The following WWOX variants were observed in gnomAD, a reference collection of about 807,000 sequenced individuals.
WWOX encodes the protein WW domain containing oxidoreductase.
WWOX carries 69 observed loss-of-function variants against 46.2 expected under a neutral mutation model. The ratio of observed to expected loss-of-function variants is 1.49; its 90% confidence interval spans 1.23 to 1.82. The LOEUF (loss-of-function observed/expected upper bound fraction) is 1.82. Among genes scored for constraint, WWOX ranks in the 40% most tolerant of loss-of-function variants. WWOX has a pLI of 0.00. For synonymous variants in WWOX, 359 were observed against 202.6 expected (o/e 1.77, Z -6.56); for missense variants, 919 against 542.6 (o/e 1.69, Z -6.89).
chr16:79,207,759 A>G (rs1318880687), intron 8 of WWOX, among the ~76,000 whole-genome samples: 2 of 151,292 alleles, frequency 1.3e-5, no homozygotes, highest in African/African-American at 4.9e-5. Context: ...AGTACTAACC[A>G]ATGCATTACA....
chr16:78,289,090 G>T (rs1283934471), intron 5 of WWOX, among the ~76,000 whole-genome samples: 2 of 152,158 alleles, frequency 1.3e-5, no homozygotes, highest in Admixed American at 6.5e-5. Context: ...TGGAGTGGAA[G>T]GCAGCCCTGG....
intron 8 of WWOX, among the ~76,000 whole-genome samples, chr16:79,010,004 C>T (rs528413722): frequency 1.3e-5 from 2 of 152,254 alleles, no homozygotes; most frequent in South Asian, 2.1e-4. Flanking sequence ...ACTTCAGAAG[C>T]GAAAGGAAGA....
At chr16:78,239,416 T>C (rs1181498600) in intron 5 of WWOX, among the ~76,000 whole-genome samples, 1 of 152,176 alleles carries the variant, frequency 6.6e-6, no homozygotes, top group East Asian at 1.9e-4. Context: ...CCAGGGATAA[T>C]GTTTTGTGTT....
At chr16:78,299,532 T>A (rs2080003279) in intron 5 of WWOX, among the ~76,000 whole-genome samples, 3 of 151,490 alleles carry the variant, frequency 2.0e-5, no homozygotes, top group Admixed American at 2.0e-4. Context: ...TTTTTTTTTT[T>A]TTTGGAGACA....
At chr16:78,677,548 A>G (rs956938524) in intron 8 of WWOX, among the ~76,000 whole-genome samples, 2 of 152,192 alleles carry the variant, frequency 1.3e-5, no homozygotes, top group Non-Finnish European at 2.9e-5. Flanking sequence ...TCTAGGAGGA[A>G]TAGTTATGGG....
At chr16:78,901,518 C>T (rs983911891) in intron 8 of WWOX, among the ~76,000 whole-genome samples, 1 of 152,178 alleles carries the variant, frequency 6.6e-6, no homozygotes, top group East Asian at 1.9e-4. Context: ...GACAGGATCT[C>T]CCTCTGTTGC....
At chr16:78,418,039 T>G (rs1482839621) in intron 6 of WWOX, among the ~76,000 whole-genome samples, 3 of 152,146 alleles carry the variant, frequency 2.0e-5, no homozygotes, top group African/African-American at 7.2e-5. Context: ...GTTAAAAAAT[T>G]AATGAGTGCT....
intron 8 of WWOX, among the ~76,000 whole-genome samples, chr16:79,149,501 A>G (rs1221882430): frequency 6.6e-6 from 1 of 152,200 alleles, no homozygotes; most frequent in African/African-American, 2.4e-5. Flanking sequence ...CCCAACAAGG[A>G]AAGCATACTG....
At chr16:79,120,745 G>A (rs2049613052) in intron 8 of WWOX, among the ~76,000 whole-genome samples, 1 of 152,076 alleles carries the variant, frequency 6.6e-6, no homozygotes, top group Non-Finnish European at 1.5e-5. Flanking sequence ...CTGTCTGTCT[G>A]AAATTTCCCT....
chr16:78,904,966 C>T (rs981342839), intron 8 of WWOX, among the ~76,000 whole-genome samples: 15 of 152,160 alleles, frequency 9.9e-5, no homozygotes, highest in Non-Finnish European at 2.2e-4. Context: ...CCATCCTTAT[C>T]CTACCTCCCA....
At chr16:78,422,512 C>T (rs957682873) in intron 6 of WWOX, among the ~76,000 whole-genome samples, 15 of 150,116 alleles carry the variant, frequency 1.0e-4, no homozygotes, top group African/African-American at 3.7e-4. Context: ...ACCTGGCTCA[C>T]TTTCGGGTGG....
rs976073233 is a variant in WWOX, at chr16:78,744,422, C to CTTTTTTTTTTTT, written c.1056+311686_1056+311697dup. Among the ~76,000 whole-genome samples, 19 of 82,240 alleles carry CTTTTTTTTTTTT rather than the reference C, an allele frequency of 2.3e-4. 2 individuals are homozygous for CTTTTTTTTTTTT. Among genetic ancestry groups the CTTTTTTTTTTTT allele is most frequent in the African/African-American group, 1.2e-3 (19 of 16,328 alleles). 54.0% of individuals were successfully genotyped at this position (82,240 alleles called of 152,430 possible). Reference sequence around the variant, plus strand: ...TAGGAAGGGCCCATGGTCCACACTGCTTTTTTTTTTTTTTTTTTTTTTTTT... The same window carrying CTTTTTTTTTTTT: ...TAGGAAGGGCCCATGGTCCACACTGCTTTTTTTTTTTTTTTTTTTTTTTTTTTTTTTTTTTTT... On this transcript the variant is annotated intron_variant, in intron 8 of 8. Coordinates refer to ENST00000566780, the MANE Select transcript of WWOX (RefSeq NM_016373.4).
chr16:79,015,258 A>G (rs2047390187), intron 8 of WWOX, among the ~76,000 whole-genome samples: 1 of 152,168 alleles, frequency 6.6e-6, no homozygotes, highest in Non-Finnish European at 1.5e-5. Flanking sequence ...CTAAGGGGAA[A>G]AAGCGAGACA....
chr16:78,193,338 A>C (rs2035940287), intron 5 of WWOX, among the ~76,000 whole-genome samples: 1 of 152,220 alleles, frequency 6.6e-6, no homozygotes, highest in East Asian at 1.9e-4. Flanking sequence ...CACTTCACAA[A>C]TTTGTTTAAT....
intron 8 of WWOX, chr16:78,534,576 C>G (rs550465252): frequency 1.3e-5 from 2 of 152,162 alleles, no homozygotes; most frequent in South Asian, 2.1e-4. Context: ...TTCTGGAAAT[C>G]TTGGAAGGTG....
intron 8 of WWOX, among the ~76,000 whole-genome samples, chr16:78,632,319 T>C (rs956639970): frequency 2.0e-5 from 3 of 152,140 alleles, no homozygotes; most frequent in Non-Finnish European, 4.4e-5. Context: ...ACACGTAGAA[T>C]AGTATTTGAC....
At chr16:78,751,376 C>G (rs977094368) in intron 8 of WWOX, among the ~76,000 whole-genome samples, 10 of 148,928 alleles carry the variant, frequency 6.7e-5, no homozygotes, top group African/African-American at 2.5e-4. Flanking sequence ...TATAGTAACA[C>G]ACCTCTGTCC....
intron 8 of WWOX, among the ~76,000 whole-genome samples, chr16:78,921,769 A>T (rs1292067415): frequency 6.6e-6 from 1 of 152,210 alleles, no homozygotes; most frequent in East Asian, 1.9e-4. Flanking sequence ...TGCAAGTTAG[A>T]AGGCATGATG....
At chr16:78,282,702 C>A (rs1471706677) in intron 5 of WWOX, among the ~76,000 whole-genome samples, 1 of 151,832 alleles carries the variant, frequency 6.6e-6, no homozygotes, top group Admixed American at 6.6e-5. Flanking sequence ...TGATGTGAGA[C>A]CCCATGTCTA....
Sources: gnomAD v4.1 joint callset for allele counts (sites outside exome capture counted in the v4.1 genomes callset) on GRCh38, gnomAD v4.1.1 for gene constraint, MANE v1.5 for transcripts, NCBI Gene and HGNC (gene_info 2026-07-23, HGNC 2026-07-21) for gene names.